Variants in SEMA5B observed in about 807,000 individuals in gnomAD.
SEMA5B encodes the protein semaphorin 5B, also known as semaphorin-5B.
A neutral mutation model predicts 135.0 loss-of-function variants in SEMA5B; 66 were observed. That is an observed-to-expected ratio of 0.49 (90% CI 0.40 to 0.60). The LOEUF (loss-of-function observed/expected upper bound fraction) is 0.60, where lower values mean the gene tolerates loss of function less well. Ranked by LOEUF, SEMA5B falls within the 20% of genes least tolerant of loss-of-function variation. SEMA5B has a pLI of 0.00. For missense variants in SEMA5B, 1,501 were observed against 1,566.3 expected (o/e 0.96, Z 0.70); for synonymous variants, 690 against 639.5 (o/e 1.08, Z -1.19).
chr3:122,910,138 C>T lies in SEMA5B; in HGVS notation c.*5G>A, dbSNP rs766339977. 2.3e-5 allele frequency: 37 copies of T among 1,613,144 alleles called. No homozygotes were observed. Among genetic ancestry groups the T allele is most frequent in the South Asian group, 1.8e-4 (16 of 90,886 alleles). ...CAAGAAGCCCAAGTCCCCAGGACGG[C>T]GGTATCAGCTGTTGGGGAAGCACCG... On this transcript the variant is annotated 3_prime_UTR_variant, in exon 23 of 23. Transcript: ENST00000357599.
Position 122,928,515 on chromosome 3 carries a change from AC to A in SEMA5B, c.636+1del. ...CAGTCTCCTCCACCCTGAGGTGCCC[AC>A]CTGTCTGCTGGTGCACATGGGGGAA... On this transcript the variant is annotated splice_donor_variant, in intron 7 of 22. Transcript: ENST00000357599. LOFTEE classifies it high-confidence loss of function. 1 of 1,554,568 alleles carries A rather than the reference AC, an allele frequency of 6.4e-7. No individual in the cohort carries two copies. The highest frequency in any genetic ancestry group is 8.7e-7 in the Non-Finnish European group (1 of 1,148,784).
intron 1 of SEMA5B, among the ~76,000 whole-genome samples, chr3:122,991,112 C>T (rs1941862145): frequency 6.6e-6 from 1 of 152,326 alleles, no homozygotes; most frequent in African/African-American, 2.4e-5. Context: ...AGACTTCACA[C>T]TGCACAGATG....
intron 9 of SEMA5B, among the ~76,000 whole-genome samples, chr3:122,924,854 G>C (rs1938543375): frequency 6.6e-6 from 1 of 152,100 alleles, no homozygotes; most frequent in Non-Finnish European, 1.5e-5. Flanking sequence ...TACTGTTAGA[G>C]GCTTTTCTGC....
intron 1 of SEMA5B, among the ~76,000 whole-genome samples, chr3:123,006,930 A>G (rs752372282): frequency 3.3e-5 from 5 of 152,244 alleles, no homozygotes; most frequent in Non-Finnish European, 7.3e-5. Context: ...CTGCATTTCC[A>G]GATATTCCAG....
At chr3:122,972,537 T>C (rs924893093) in intron 1 of SEMA5B, among the ~76,000 whole-genome samples, 11 of 152,224 alleles carry the variant, frequency 7.2e-5, no homozygotes, top group African/African-American at 2.7e-4. Flanking sequence ...TGTTTTGCAT[T>C]ATCTGTGCTA....
At chr3:122,977,359 C>A (rs928044211) in intron 1 of SEMA5B, among the ~76,000 whole-genome samples, 19 of 152,226 alleles carry the variant, frequency 1.2e-4, no homozygotes, top group African/African-American at 3.6e-4. Context: ...ACAAATAATT[C>A]TTTAGCATAA....
In SEMA5B at chr3:122,910,094, G is replaced by T. The variant is rs1937614366; in HGVS notation, c.*49C>A. ...TGGCTCCACTGTCCCATCTCCATCTGCTCTGTGCCTTATGAAGGCAAGAAG... is the reference window on the plus strand; with the variant it reads ...TGGCTCCACTGTCCCATCTCCATCTTCTCTGTGCCTTATGAAGGCAAGAAG... On this transcript the variant is annotated 3_prime_UTR_variant, in exon 23 of 23. Transcript: ENST00000357599. 2 of 1,594,080 alleles carry T rather than the reference G, an allele frequency of 1.3e-6. No individual in the cohort carries two copies. The highest frequency in any genetic ancestry group is 1.7e-6 in the Non-Finnish European group (2 of 1,169,512).
In SEMA5B at chr3:122,937,215, G is replaced by C. The variant is rs143018970; in HGVS notation, c.474+2210C>G. 2.8e-3 allele frequency among the ~76,000 whole-genome samples: 427 copies of C among 152,308 alleles called. 3 individuals carry two copies. The highest frequency in any genetic ancestry group is 6.8e-3 in the Middle Eastern group (2 of 294). ...AGATCATTTTCAGCACTTGGTTACT[G>C]GTGACAGCAGACACTGAGAACTGAA... On this transcript the variant is annotated intron_variant, in intron 5 of 22. Coordinates refer to ENST00000357599, the MANE Select transcript of SEMA5B (RefSeq NM_001031702.4).
intron 1 of SEMA5B, among the ~76,000 whole-genome samples, chr3:123,005,882 C>A (rs1349015863): frequency 1.3e-5 from 2 of 152,196 alleles, no homozygotes; most frequent in Non-Finnish European, 2.9e-5. Flanking sequence ...GATTGCCAGC[C>A]CCTGCATGGC....
At chr3:122,991,558 T>C (rs1941877609) in intron 1 of SEMA5B, among the ~76,000 whole-genome samples, 1 of 152,198 alleles carries the variant, frequency 6.6e-6, no homozygotes, top group Non-Finnish European at 1.5e-5. Context: ...TCAAGAATTA[T>C]CCATCTCCAA....
intron 14 of SEMA5B, 90 bp downstream of exon 14, chr3:122,915,350 G>T: frequency 7.6e-7 from 1 of 1,323,780 alleles, no homozygotes; most frequent in Non-Finnish European, 1.0e-6. Context: ...CTGTCCCTTA[G>T]TGCAAACACC....
At chr3:123,011,260 C>T (rs1226575451) in intron 1 of SEMA5B, among the ~76,000 whole-genome samples, 1 of 152,234 alleles carries the variant, frequency 6.6e-6, no homozygotes, top group Non-Finnish European at 1.5e-5. Context: ...GAAGGAACAG[C>T]TCTTGGGATG....
At chr3:122,975,919 C>G (rs1370702308) in intron 1 of SEMA5B, 20 of 1,503,548 alleles carry the variant, frequency 1.3e-5, no homozygotes, top group Non-Finnish European at 1.7e-5. Flanking sequence ...TCTCCTGCCC[C>G]CTCTCTGGCC....
rs541812662 is a variant in SEMA5B, at chr3:122,995,380, T to C, written c.-39+32084A>G. Among the ~76,000 whole-genome samples the C allele has an allele frequency of 9.7e-4, 148 of 152,276 alleles. 1 individual carries two copies. The highest frequency in any genetic ancestry group is 3.5e-3 in the African/African-American group (146 of 41,546). On this transcript the variant is annotated intron_variant, in intron 1 of 22. Transcript: ENST00000357599. ...TAAGAAAAGGGAATGGCCTACACTC[T>C]ACCAGAAAACCCTCGATAACCACCA...
At chr3:122,912,550 C>T (rs76576656) in intron 18 of SEMA5B, among the ~76,000 whole-genome samples, 41 of 151,776 alleles carry the variant, frequency 2.7e-4, no homozygotes, top group East Asian at 1.4e-3. Context: ...CAGAGACACC[C>T]GGAGGGAGAG....
At chr3:122,961,056 G>A (rs983096558) in intron 2 of SEMA5B, 84 bp downstream of exon 2, 60 of 1,399,538 alleles carry the variant, frequency 4.3e-5, no homozygotes, top group Admixed American at 1.3e-4. Context: ...TGCTGATGAT[G>A]CCCCAGATGA....
intron 1 of SEMA5B, among the ~76,000 whole-genome samples, chr3:122,979,888 C>G (rs1287116346): frequency 6.6e-6 from 1 of 152,232 alleles, no homozygotes; most frequent in East Asian, 1.9e-4. Context: ...GGCAACTCCC[C>G]ATTTGTGGAT....
intron 17 of SEMA5B, 27 bp from the exon 18 acceptor site, chr3:122,913,088 T>G (rs748564243): frequency 7.0e-7 from 1 of 1,424,662 alleles, no homozygotes; most frequent in African/African-American, 1.5e-5. Flanking sequence ...CCTCAGCGAC[T>G]GGGCGCCCGG....
intron 2 of SEMA5B, among the ~76,000 whole-genome samples, chr3:122,959,879 T>C (rs575603490): frequency 6.6e-6 from 1 of 152,348 alleles, no homozygotes; most frequent in African/African-American, 2.4e-5. Flanking sequence ...CCAAACATTC[T>C]GTAATGTTTT....
Sources: gnomAD v4.1 joint callset for allele counts (sites outside exome capture counted in the v4.1 genomes callset) on GRCh38, gnomAD v4.1.1 for gene constraint, MANE v1.5 for transcripts, NCBI Gene and HGNC (gene_info 2026-07-23, HGNC 2026-07-21) for gene names.